The following E2F3 variants were observed in gnomAD, a reference collection of about 807,000 sequenced individuals.
E2F3 encodes transcription factor E2F3.
A neutral mutation model predicts 44.4 loss-of-function variants in E2F3; 11 were observed. The observed-to-expected ratio is 0.25, with a 90% CI of 0.16 to 0.41. The LOEUF is 0.41. Among genes scored for constraint, E2F3 ranks in the 10% least tolerant of loss-of-function variants. The pLI is 1.00. For missense variants in E2F3, 487 were observed against 583.6 expected, an observed-to-expected ratio of 0.83 and a Z score of 1.70; for synonymous variants, 249 against 253.0, an observed-to-expected ratio of 0.98 and a Z score of 0.15.
At position 20,492,324 on chromosome 6, in the gene E2F3, T is replaced by A. The variant is rs1422676871; in HGVS notation, c.*1894T>A. On this transcript the variant is annotated 3_prime_UTR_variant, in exon 7 of 7. Transcript: ENST00000346618. Reference sequence around the variant, plus strand: ...AAGAAAAACAAAGGTGCAGACTATCTTCCTTTTTTTCTTCTTCAGCCTCCA... The same window carrying A: ...AAGAAAAACAAAGGTGCAGACTATCATCCTTTTTTTCTTCTTCAGCCTCCA... The A allele has an allele frequency of 2.6e-5, 6 of 233,152 alleles. No individual in the cohort carries two copies. In the East Asian group the frequency reaches 3.0e-4, roughly 12 times the overall value. The allele number at this position is 233,152 out of a possible 1,614,324, so 14.4% of individuals were successfully genotyped here. A position where few individuals can be genotyped will look rare whatever the true frequency, so the allele number is the denominator to read the frequency against.
rs1762595334 is a variant in E2F3, at chr6:20,493,007, T to G, written c.*2577T>G. On this transcript the variant is annotated 3_prime_UTR_variant, in exon 7 of 7. Transcript: ENST00000346618. ...CGTGAGCCTTAGAAAATAAAATGTATAAAGGGCAACACATGAGCTGTCAAA... is the reference window on the plus strand; with the variant it reads ...CGTGAGCCTTAGAAAATAAAATGTAGAAAGGGCAACACATGAGCTGTCAAA... 1 of 215,044 alleles carries G rather than the reference T, an allele frequency of 4.7e-6. No individual in the cohort carries two copies. Among genetic ancestry groups the G allele is most frequent in the Admixed American group, 5.8e-5 (1 of 17,104 alleles). 13.3% of individuals were successfully genotyped at this position (215,044 alleles called of 1,614,324 possible).
chr6:20,482,442 A>C (rs1348457092), intron 3 of E2F3, among the ~76,000 whole-genome samples: 1 of 149,418 alleles, frequency 6.7e-6, no homozygotes, highest in Non-Finnish European at 1.5e-5. Flanking sequence ...GGGAGCCATG[A>C]GGCAAGGGAG....
At position 20,490,115 on chromosome 6, in the gene E2F3, T is replaced by C. The variant is rs1222044341; in HGVS notation, c.1136-53T>C. On this transcript the variant is annotated intron_variant, in intron 6 of 6. Transcript: ENST00000346618. The surrounding 1 kb of genome is among the most constrained non-coding windows in gnomAD (Gnocchi z 4.3). Reference sequence around the variant, plus strand: ...CAACATATACATTCTTCCAGAAAAATTCATTTGATTTTTCTAACTTATTTT... The same window carrying C: ...CAACATATACATTCTTCCAGAAAAACTCATTTGATTTTTCTAACTTATTTT... 8.6e-6 allele frequency: 13 copies of C among 1,517,150 alleles called. No homozygotes were observed. Among genetic ancestry groups the C allele is most frequent in the Non-Finnish European group, 8.8e-6 (10 of 1,130,548 alleles). 94.0% of individuals were successfully genotyped at this position (1,517,150 alleles called of 1,614,324 possible). A position where few individuals can be genotyped will look rare whatever the true frequency, so the allele number is the denominator to read the frequency against.
chr6:20,425,807 G>A (rs1394138340), intron 1 of E2F3, among the ~76,000 whole-genome samples: 2 of 152,202 alleles, frequency 1.3e-5, no homozygotes, highest in Admixed American at 1.3e-4. Context: ...CATTTAAACT[G>A]GGACATTCAT....
At chr6:20,405,393 C>T (rs1025348107) in intron 1 of E2F3, among the ~76,000 whole-genome samples, 2 of 140,474 alleles carry the variant, frequency 1.4e-5, no homozygotes, top group African/African-American at 5.4e-5. Flanking sequence ...GTCGCCCAGG[C>T]TGGAGTGCAA....
intron 1 of E2F3, among the ~76,000 whole-genome samples, chr6:20,474,641 C>T (rs1478661543): frequency 6.6e-6 from 1 of 152,202 alleles, no homozygotes; most frequent in African/African-American, 2.4e-5. Context: ...CAGCCCAGGG[C>T]AGGGTGGTGT....
At chr6:20,408,740 T>C (rs1411535957) in intron 1 of E2F3, among the ~76,000 whole-genome samples, 1 of 152,148 alleles carries the variant, frequency 6.6e-6, no homozygotes, top group East Asian at 1.9e-4. Flanking sequence ...GCAGTGAGAA[T>C]TGGCAGCTGA....
chr6:20,454,463 T>G (rs770610270), intron 1 of E2F3, among the ~76,000 whole-genome samples: 5 of 152,220 alleles, frequency 3.3e-5, no homozygotes, highest in Non-Finnish European at 5.9e-5. Context: ...ATATCTGTTC[T>G]TTAAAGGTGG....
At chr6:20,403,759 G>A (rs1254018157) in intron 1 of E2F3, 14 of 1,478,606 alleles carry the variant, frequency 9.5e-6, no homozygotes, top group African/African-American at 1.5e-5. Context: ...TCGGCCCTCC[G>A]GGCCCCCTCT....
chr6:20,430,897 C>T (rs1760378139), intron 1 of E2F3, among the ~76,000 whole-genome samples: 2 of 152,100 alleles, frequency 1.3e-5, no homozygotes. Context: ...TGGTGGCGCA[C>T]ACCTGTCATC....
chr6:20,405,118 G>C (rs1759450140), intron 1 of E2F3, among the ~76,000 whole-genome samples: 2 of 152,052 alleles, frequency 1.3e-5, no homozygotes, highest in African/African-American at 2.4e-5. Flanking sequence ...CTAGTTCATT[G>C]TATTTAAGTA....
chr6:20,406,813 T>G (rs757542393), intron 1 of E2F3, among the ~76,000 whole-genome samples: 73 of 152,210 alleles, frequency 4.8e-4, no homozygotes, highest in Non-Finnish European at 9.7e-4. Context: ...GTCAGAGACA[T>G]GCATTAGACA....
chr6:20,486,443 T>C (rs565463531), intron 4 of E2F3, among the ~76,000 whole-genome samples: 1 of 152,250 alleles, frequency 6.6e-6, no homozygotes, highest in Non-Finnish European at 1.5e-5. Flanking sequence ...TGGCTAACTT[T>C]TTGTATTTTT....
chr6:20,460,861 T>C (rs1761478387), intron 1 of E2F3, among the ~76,000 whole-genome samples: 3 of 151,652 alleles, frequency 2.0e-5, no homozygotes, highest in Admixed American at 2.0e-4. Context: ...CTGGGTGTGG[T>C]GGTGCACACC....
chr6:20,402,662 G>C lies in E2F3; in HGVS notation c.393+37G>C, dbSNP rs1458131555. On this transcript the variant is annotated intron_variant, in intron 1 of 6. Transcript: ENST00000346618. This position sits in a 1 kb window ranked among gnomAD's most constrained non-coding sequence, Gnocchi z 5.6. ...CCTCCCCACCGTCCCCAGCCCCGGC[G>C]GGAGGTGGGCTCGCACCGCGCGGGG... 1 of 1,308,582 alleles carries C rather than the reference G, an allele frequency of 7.6e-7. No individual in the cohort carries two copies. The highest frequency in any genetic ancestry group is 9.7e-7 in the Non-Finnish European group (1 of 1,034,148). The allele number at this position is 1,308,582 out of a possible 1,614,324, so 81.1% of individuals were successfully genotyped here. A position where few individuals can be genotyped will look rare whatever the true frequency, so the allele number is the denominator to read the frequency against.
chr6:20,440,650 C>T (rs1206623687), intron 1 of E2F3, among the ~76,000 whole-genome samples: 3 of 152,176 alleles, frequency 2.0e-5, no homozygotes, highest in Non-Finnish European at 2.9e-5. Context: ...CCATAATGAT[C>T]TGAAGTGTTG....
chr6:20,451,735 T>G (rs1761138990), intron 1 of E2F3, among the ~76,000 whole-genome samples: 1 of 152,228 alleles, frequency 6.6e-6, no homozygotes, highest in Admixed American at 6.5e-5. Context: ...GTATGTTCAT[T>G]CAATATGTAG....
chr6:20,486,178 G>A (rs78010664), intron 4 of E2F3, among the ~76,000 whole-genome samples: 137 of 152,182 alleles, frequency 9.0e-4, no homozygotes, highest in East Asian at 4.6e-3. Context: ...AGAAATGGGC[G>A]GGATAAAGCT....
chr6:20,492,673 G>A lies in E2F3; in HGVS notation c.*2243G>A, dbSNP rs1161807104. On this transcript the variant is annotated 3_prime_UTR_variant, in exon 7 of 7. Coordinates refer to ENST00000346618, the MANE Select transcript of E2F3 (RefSeq NM_001949.5). Reference sequence around the variant, plus strand: ...GTGTTTTGTTGAATTTTTTCATAATGTAATGCCGTATTTATTGTTTTTAAA... The same window carrying A: ...GTGTTTTGTTGAATTTTTTCATAATATAATGCCGTATTTATTGTTTTTAAA... 1.3e-5 allele frequency: 3 copies of A among 231,886 alleles called. No individual in the cohort carries two copies. The Admixed American group carries it at 1.7e-4, about 13-fold the overall frequency. 14.4% of individuals were successfully genotyped at this position (231,886 alleles called of 1,614,324 possible). A position where few individuals can be genotyped will look rare whatever the true frequency, so the allele number is the denominator to read the frequency against.
Sources: allele counts gnomAD v4.1 joint callset (sites outside exome capture counted in the v4.1 genomes callset), GRCh38; gene constraint gnomAD v4.1.1; non-coding constraint Gnocchi (gnomAD v3.1); transcripts MANE v1.5; gene names NCBI Gene and HGNC (gene_info 2026-07-23, HGNC 2026-07-21).